Variants in RICTOR observed in about 807,000 individuals in gnomAD.
The protein encoded by RICTOR is rapamycin-insensitive companion of mTOR.
Under a neutral mutation model 214.9 loss-of-function variants are expected in RICTOR, and 49 were observed. The observed-to-expected ratio is 0.23, with a 90% CI of 0.18 to 0.29. RICTOR has a LOEUF of 0.29. RICTOR is among the 10% of genes least tolerant of loss of function. The probability of loss-of-function intolerance (pLI) is 1.00; values close to 1 mark genes in which losing one functional copy is unlikely to be tolerated. For synonymous variants in RICTOR, 717 were observed against 711.3 expected (o/e 1.01, Z -0.13); for missense variants, 1,625 against 2,047.0 (o/e 0.79, Z 3.98).
At chr5:39,024,447 T>C (rs1457775718) in intron 2 of RICTOR, among the ~76,000 whole-genome samples, 2 of 152,182 alleles carry the variant, frequency 1.3e-5, no homozygotes, top group African/African-American at 2.4e-5. Flanking sequence ...ATTGTATCTG[T>C]TTGAAAAGAC....
chr5:39,041,355 C>T (rs1303588710), intron 2 of RICTOR, among the ~76,000 whole-genome samples: 3 of 151,966 alleles, frequency 2.0e-5, no homozygotes. Flanking sequence ...AGCTAGATTC[C>T]AACAGCTTTC....
At chr5:39,037,169 A>G (rs1215587521) in intron 2 of RICTOR, among the ~76,000 whole-genome samples, 1 of 152,234 alleles carries the variant, frequency 6.6e-6, no homozygotes, top group Non-Finnish European at 1.5e-5. Context: ...AAACTCACTC[A>G]AAACCACTCA....
intron 2 of RICTOR, among the ~76,000 whole-genome samples, chr5:39,038,172 A>C (rs1362426439): frequency 1.3e-5 from 2 of 152,240 alleles, no homozygotes; most frequent in African/African-American, 4.8e-5. Flanking sequence ...AACATATGCA[A>C]ATCAATAAAC....
At chr5:38,948,642 T>C (rs190207667) in intron 31 of RICTOR, among the ~76,000 whole-genome samples, 2 of 152,218 alleles carry the variant, frequency 1.3e-5, no homozygotes, top group Admixed American at 1.3e-4. Context: ...GGCTTAGGAA[T>C]GTTCAAAATT....
chr5:39,029,340 T>C (rs1256064506), intron 2 of RICTOR, among the ~76,000 whole-genome samples: 2 of 152,112 alleles, frequency 1.3e-5, no homozygotes, highest in African/African-American at 4.8e-5. Context: ...AACTAACATA[T>C]AAACCATTAT....
At chr5:39,033,811 G>A (rs1432849862) in intron 2 of RICTOR, among the ~76,000 whole-genome samples, 1 of 151,686 alleles carries the variant, frequency 6.6e-6, no homozygotes, top group African/African-American at 2.4e-5. Flanking sequence ...TAACAAACCT[G>A]CACATGTACC....
chr5:39,059,859 C>T (rs1321455535), intron 2 of RICTOR, among the ~76,000 whole-genome samples: 1 of 151,940 alleles, frequency 6.6e-6, no homozygotes, highest in African/African-American at 2.4e-5. Context: ...AAATATTTTA[C>T]AAACATTTCC....
intron 31 of RICTOR, among the ~76,000 whole-genome samples, chr5:38,948,114 TCTTA>T (rs1748397163): frequency 6.6e-6 from 1 of 152,126 alleles, no homozygotes. Context: ...TCATACAGAT[TCTTA>T]CTTATGCAAC....
chr5:38,959,340 T>G lies in RICTOR; in HGVS notation c.2052-19A>C, dbSNP rs758488931. On this transcript the variant is annotated intron_variant, in intron 21 of 37. Coordinates refer to ENST00000357387, the MANE Select transcript of RICTOR (RefSeq NM_152756.5). ...AAGGAGACTTAAAAGAAAAAAAAAA[T>G]AAGAATGGTTAAAAGAAATTACTAT... 6.0e-6 allele frequency: 8 copies of G among 1,343,362 alleles called. No homozygotes were observed. Among genetic ancestry groups the G allele is most frequent in the South Asian group, 1.4e-5 (1 of 70,884 alleles). The allele number at this position is 1,343,362 out of a possible 1,614,324, so 83.2% of individuals were successfully genotyped here.
At chr5:39,002,693 T>C (rs1387570562) in intron 4 of RICTOR, 27 bp from the exon 5 acceptor site, 6 of 1,581,112 alleles carry the variant, frequency 3.8e-6, no homozygotes, top group Non-Finnish European at 5.1e-6. Context: ...AAAATACAAG[T>C]TTTGCTGCAC....
At chr5:39,037,562 G>A (rs1756816691) in intron 2 of RICTOR, among the ~76,000 whole-genome samples, 1 of 152,096 alleles carries the variant, frequency 6.6e-6, no homozygotes, top group South Asian at 2.1e-4. Flanking sequence ...AAAATTGATA[G>A]AACGCTAGCA....
intron 7 of RICTOR, among the ~76,000 whole-genome samples, chr5:38,989,884 G>A (rs905824230): frequency 2.0e-5 from 3 of 152,132 alleles, no homozygotes; most frequent in Admixed American, 6.5e-5. Context: ...AAATAGGAAC[G>A]CTTTCACACT....
chr5:39,052,981 G>C (rs984511446), intron 2 of RICTOR, among the ~76,000 whole-genome samples: 7 of 152,108 alleles, frequency 4.6e-5, no homozygotes, highest in African/African-American at 1.7e-4. Flanking sequence ...ATAAATAACA[G>C]TATCAGTTAA....
intron 28 of RICTOR, 86 bp from the exon 29 acceptor site, chr5:38,953,177 C>A: frequency 4.5e-6 from 4 of 894,922 alleles, no homozygotes; most frequent in East Asian, 2.5e-5. Context: ...AATTTAACCT[C>A]ATCTCTGAGA....
At position 38,942,837 on chromosome 5, in the gene RICTOR, A is replaced by T. The variant is rs1404834528; in HGVS notation, c.5048T>A (p.Leu1683Gln). 3.7e-6 allele frequency: 6 copies of T among 1,605,032 alleles called. No individual in the cohort carries two copies. Among genetic ancestry groups the T allele is most frequent in the Non-Finnish European group, 5.1e-6 (6 of 1,171,872 alleles). The change falls in exon 37 of 38, where the codon CTA (leucine) becomes CAA (glutamine). Residue 1683 changes from leucine to glutamine, a missense_variant. Coordinates refer to ENST00000357387, the MANE Select transcript of RICTOR (RefSeq NM_152756.5). ...AGAAGTACTAATCATACTTACTTGTAGAAACTGTACATCTTGAAATAATTC... is the reference window on the plus strand; with the variant it reads ...AGAAGTACTAATCATACTTACTTGTTGAAACTGTACATCTTGAAATAATTC... ...IQELFQDVQF[L>Q]QMHEEAEAVL...
chr5:39,025,145 C>A (rs562736683), intron 2 of RICTOR, among the ~76,000 whole-genome samples: 1 of 152,276 alleles, frequency 6.6e-6, no homozygotes, highest in Admixed American at 6.5e-5. Flanking sequence ...CTCCCTCCTT[C>A]TCCTCCTCAA....
intron 6 of RICTOR, among the ~76,000 whole-genome samples, chr5:38,993,870 CACAAAATTCTTAAAAATATTAT>C (rs1449525053): frequency 4.6e-5 from 7 of 152,090 alleles, no homozygotes; most frequent in Non-Finnish European, 1.5e-5. Context: ...TTGTTTCATG[CACAAAATTCTTAAAAATATTAT>C]ACAAAATTGG....
At chr5:39,012,910 C>T (rs12514696) in intron 3 of RICTOR, among the ~76,000 whole-genome samples, 16 of 152,008 alleles carry the variant, frequency 1.1e-4, no homozygotes, top group Admixed American at 9.2e-4. Context: ...TACAAAGATG[C>T]TAAGAGAGGG....
intron 2 of RICTOR, among the ~76,000 whole-genome samples, chr5:39,045,798 G>T (rs1757448011): frequency 1.3e-5 from 2 of 151,932 alleles, no homozygotes; most frequent in Non-Finnish European, 2.9e-5. Context: ...AGTTAAAAGG[G>T]CTTACCTTCT....
Sources: gnomAD v4.1 joint callset for allele counts (sites outside exome capture counted in the v4.1 genomes callset) on GRCh38, gnomAD v4.1.1 for gene constraint, MANE v1.5 for transcripts, NCBI Gene and HGNC (gene_info 2026-07-23, HGNC 2026-07-21) for gene names.